The following ZNF385D variants were observed in gnomAD, a reference collection of about 807,000 sequenced individuals.
The protein encoded by ZNF385D is zinc finger protein 659.
A neutral mutation model predicts 35.8 loss-of-function variants in ZNF385D; 15 were observed. The observed-to-expected ratio is 0.42, with a 90% confidence interval of 0.28 to 0.64. The LOEUF (loss-of-function observed/expected upper bound fraction) is 0.64, where lower values mean the gene tolerates loss of function less well. ZNF385D is among the 30% of genes least tolerant of loss of function. The pLI is 0.23. For synonymous variants in ZNF385D, 212 were observed against 186.8 expected (o/e 1.13, Z -1.10); for missense variants, 474 against 494.6 (o/e 0.96, Z 0.39).
intron 3 of ZNF385D, among the ~76,000 whole-genome samples, chr3:21,932,516 G>C (rs904195836): frequency 1.3e-5 from 2 of 151,850 alleles, no homozygotes; most frequent in Non-Finnish European, 2.9e-5. Flanking sequence ...GAATAGCAGT[G>C]AGTTTGATGT....
intron 2 of ZNF385D, among the ~76,000 whole-genome samples, chr3:22,249,774 T>C (rs912040272): frequency 1.3e-5 from 2 of 152,208 alleles, no homozygotes; most frequent in Admixed American, 1.3e-4. Flanking sequence ...TTCTAACTGT[T>C]GAAAGCTAAA....
At chr3:21,498,897 C>T (rs949970762) in intron 4 of ZNF385D, among the ~76,000 whole-genome samples, 2 of 130,282 alleles carry the variant, frequency 1.5e-5, no homozygotes, top group Non-Finnish European at 3.1e-5. Flanking sequence ...GAGCTGAGAT[C>T]GATCGCACCA....
At chr3:21,659,359 A>C (rs762784335) in intron 2 of ZNF385D, among the ~76,000 whole-genome samples, 12 of 152,160 alleles carry the variant, frequency 7.9e-5, no homozygotes, top group Non-Finnish European at 1.6e-4. Context: ...TGAATGAATA[A>C]ATGAAATACG....
At chr3:22,270,700 T>G (rs1463809424) in intron 2 of ZNF385D, among the ~76,000 whole-genome samples, 1 of 151,968 alleles carries the variant, frequency 6.6e-6, no homozygotes, top group Non-Finnish European at 1.5e-5. Flanking sequence ...ACCTAGATGA[T>G]TTGTGCTTTT....
At chr3:22,199,670 T>C (rs564601824) in intron 2 of ZNF385D, among the ~76,000 whole-genome samples, 18 of 152,214 alleles carry the variant, frequency 1.2e-4, no homozygotes, top group Admixed American at 3.9e-4. Flanking sequence ...ATTGTTCAGA[T>C]GGAAACACTG....
chr3:21,657,410 G>C (rs1199155098), intron 2 of ZNF385D, among the ~76,000 whole-genome samples: 1 of 151,922 alleles, frequency 6.6e-6, no homozygotes, highest in Non-Finnish European at 1.5e-5. Flanking sequence ...AAGTACATTT[G>C]ACTTTGACAA....
At chr3:21,877,679 G>T (rs180796875) in intron 3 of ZNF385D, among the ~76,000 whole-genome samples, 40 of 152,126 alleles carry the variant, frequency 2.6e-4, no homozygotes, top group Non-Finnish European at 5.3e-4. Flanking sequence ...TAAGGGGCCT[G>T]CAGTGAAATG....
intron 3 of ZNF385D, among the ~76,000 whole-genome samples, chr3:21,938,397 T>C (rs538567585): frequency 6.6e-6 from 1 of 152,284 alleles, no homozygotes; most frequent in South Asian, 2.1e-4. Flanking sequence ...CTGCAAGTGC[T>C]GAGGCGGGCA....
intron 2 of ZNF385D, among the ~76,000 whole-genome samples, chr3:21,576,229 C>G (rs946894616): frequency 2.6e-5 from 4 of 152,144 alleles, no homozygotes; most frequent in Non-Finnish European, 4.4e-5. Flanking sequence ...ACAGTGGTCC[C>G]TTGAGGAACT....
intron 3 of ZNF385D, among the ~76,000 whole-genome samples, chr3:21,828,281 G>A (rs181646731): frequency 1.4e-4 from 22 of 152,260 alleles, no homozygotes; most frequent in African/African-American, 4.6e-4. Flanking sequence ...TTTTGAACAG[G>A]AAATCTTTGA....
At chr3:22,371,827 T>C (rs1696919952) in intron 2 of ZNF385D, among the ~76,000 whole-genome samples, 1 of 152,032 alleles carries the variant, frequency 6.6e-6, no homozygotes, top group Admixed American at 6.5e-5. Flanking sequence ...ACCCTAAATG[T>C]CAAAGTGATT....
intron 3 of ZNF385D, among the ~76,000 whole-genome samples, chr3:21,810,086 T>C (rs1003482566): frequency 5.9e-5 from 9 of 151,838 alleles, no homozygotes; most frequent in African/African-American, 1.5e-4. Context: ...CAAAAGTAAA[T>C]AGACAAATAC....
At chr3:21,715,517 G>A (rs2068282524) in intron 1 of ZNF385D, among the ~76,000 whole-genome samples, 2 of 152,116 alleles carry the variant, frequency 1.3e-5, no homozygotes, top group Non-Finnish European at 2.9e-5. Flanking sequence ...TACTTAGGGT[G>A]ATTCCATATC....
chr3:22,232,091 T>A (rs1675226597), intron 2 of ZNF385D, among the ~76,000 whole-genome samples: 1 of 152,140 alleles, frequency 6.6e-6, no homozygotes, highest in African/African-American at 2.4e-5. Context: ...AATTACACAG[T>A]CTTAGGTATT....
chr3:21,609,901 G>T (rs988598409), intron 2 of ZNF385D, among the ~76,000 whole-genome samples: 1 of 152,068 alleles, frequency 6.6e-6, no homozygotes, highest in African/African-American at 2.4e-5. Context: ...AGTCCTGATG[G>T]GTATTTAAAT....
intron 3 of ZNF385D, among the ~76,000 whole-genome samples, chr3:21,525,948 G>A (rs1272409863): frequency 6.6e-6 from 1 of 151,640 alleles, no homozygotes; most frequent in Non-Finnish European, 1.5e-5. Flanking sequence ...TTTTCCCCTT[G>A]GGCATATATT....
intron 3 of ZNF385D, among the ~76,000 whole-genome samples, chr3:22,071,304 T>C (rs1029488991): frequency 1.1e-4 from 16 of 152,180 alleles, no homozygotes; most frequent in African/African-American, 3.9e-4. Flanking sequence ...GTTGAAATCT[T>C]GGCAACATTC....
chr3:22,175,774 G>A (rs531417407), intron 2 of ZNF385D, among the ~76,000 whole-genome samples: 112 of 151,042 alleles, frequency 7.4e-4, no homozygotes, highest in Middle Eastern at 3.5e-3. Context: ...CATATATAAT[G>A]TATATAGATT....
At chr3:21,705,533 G>T (rs1471410448) in intron 1 of ZNF385D, among the ~76,000 whole-genome samples, 1 of 152,184 alleles carries the variant, frequency 6.6e-6, no homozygotes, top group Admixed American at 6.5e-5. Context: ...CTTTCAATTT[G>T]TGTAATGTAG....
Sources: gnomAD v4.1 joint callset for allele counts (sites outside exome capture counted in the v4.1 genomes callset) on GRCh38, gnomAD v4.1.1 for gene constraint, MANE v1.5 for transcripts, NCBI Gene and HGNC (gene_info 2026-07-23, HGNC 2026-07-21) for gene names.